Variants in C3 observed in about 807,000 individuals in gnomAD.
C3 encodes C3 and PZP-like alpha-2-macroglobulin domain-containing protein 1.
Under a neutral mutation model 207.9 loss-of-function variants are expected in C3, and 97 were observed. The ratio of observed to expected loss-of-function variants is 0.47; its 90% CI spans 0.40 to 0.55. C3 has a LOEUF of 0.55. Among genes scored for constraint, C3 ranks in the 20% least tolerant of loss-of-function variants. The pLI, the probability that C3 is intolerant of heterozygous loss-of-function variation, is 0.00. For missense variants in C3, 1,684 were observed against 2,171.7 expected, an observed-to-expected ratio of 0.78 and a Z score of 4.46; for synonymous variants, 848 against 857.6, an observed-to-expected ratio of 0.99 and a Z score of 0.20.
intron 34 of C3, 35 bp downstream of exon 34, chr19:6,682,107 C>T (rs780959208): frequency 1.1e-5 from 18 of 1,607,640 alleles, no homozygotes; most frequent in Non-Finnish European, 1.3e-5. Flanking sequence ...ACCCAGGCTC[C>T]TTTCCACTTA....
chr19:6,709,611 T>TTGCCCCC, intron 14 of C3, 73 bp downstream of exon 14: 15 of 1,109,422 alleles, frequency 1.4e-5, no homozygotes, highest in Middle Eastern at 2.0e-4. Flanking sequence ...CCCTCTCCAG[T>TTGCCCCC]CCCACCCACC....
intron 4 of C3, 158 bp downstream of exon 4, chr19:6,717,936 A>ATG (rs1400726385): frequency 5.3e-6 from 4 of 750,048 alleles, no homozygotes; most frequent in African/African-American, 3.6e-5. Flanking sequence ...TGTGTGCTGT[A>ATG]TGTGTGTGTG....
rs1161824303 is a variant in C3, at chr19:6,686,756, G to A, written c.3636C>T (p.Thr1212=). Residue 1212 remains threonine (T), a synonymous_variant, in exon 28 of 41, where the codon ACC becomes ACT. Coordinates refer to ENST00000245907, the MANE Select transcript of C3 (RefSeq NM_000064.4). Reference sequence around the variant, plus strand: ...CAGGCCAACCCTCACCTTTGGCTGTGGTCAGAAATTTGTTAAGAAGAGGCC... The same window carrying A: ...CAGGCCAACCCTCACCTTTGGCTGTAGTCAGAAATTTGTTAAGAAGAGGCC... ...LKGPLLNKFL[T]TAKDKNRWED... 6.2e-7 allele frequency: 1 copy of A among 1,613,920 alleles called. No homozygotes were observed. The highest frequency in any genetic ancestry group is 1.7e-5 in the Admixed American group (1 of 60,016).
Position 6,686,732 on chromosome 19 carries a change from A to G in C3, c.3646+14T>C, listed in dbSNP as rs1479338189. 8.7e-6 allele frequency: 14 copies of G among 1,612,796 alleles called. No homozygotes were observed. The highest frequency in any genetic ancestry group is 1.1e-5 in the Non-Finnish European group (13 of 1,179,894). ...GCCATGCATCTCCCTTCACCCCTCC[A>G]GGCCAACCCTCACCTTTGGCTGTGG... On this transcript the variant is annotated intron_variant, in intron 28 of 40. Transcript: ENST00000245907.
intron 19 of C3, among the ~76,000 whole-genome samples, chr19:6,699,016 C>T (rs1967595404): frequency 6.6e-6 from 1 of 151,746 alleles, no homozygotes; most frequent in Non-Finnish European, 1.5e-5. Flanking sequence ...GGCTGTTCTC[C>T]ACCTCCTGAC....
intron 14 of C3, 50 bp downstream of exon 14, chr19:6,709,634 A>G: frequency 2.2e-6 from 1 of 450,666 alleles, no homozygotes; most frequent in Non-Finnish European, 3.6e-6. Context: ...CCCCAGCCCC[A>G]GCTCCGTGCC....
At chr19:6,718,068 C>A (rs778925291) in intron 4 of C3, 26 bp downstream of exon 4, 34 of 1,610,872 alleles carry the variant, frequency 2.1e-5, no homozygotes, top group Non-Finnish European at 2.8e-5. Context: ...GCCCCTGCTT[C>A]CCCTGGGGCC....
At chr19:6,695,886 C>T (rs1290815538) in intron 23 of C3, among the ~76,000 whole-genome samples, 12 of 152,014 alleles carry the variant, frequency 7.9e-5, no homozygotes, top group Non-Finnish European at 2.9e-5. Context: ...TCTATAAAAC[C>T]GATCATAGCA....
At chr19:6,708,491 C>T (rs1481465552) in intron 14 of C3, among the ~76,000 whole-genome samples, 1 of 151,188 alleles carries the variant, frequency 6.6e-6, no homozygotes, top group Non-Finnish European at 1.5e-5. Flanking sequence ...CCCTTCCTTC[C>T]TCTCCCTCCC....
At chr19:6,685,800 G>A (rs922646731) in intron 29 of C3, among the ~76,000 whole-genome samples, 2 of 152,168 alleles carry the variant, frequency 1.3e-5, no homozygotes, top group African/African-American at 4.8e-5. Flanking sequence ...GACAGGGTAA[G>A]ATTGTGAGAT....
At chr19:6,686,975 C>T in intron 27 of C3, 73 bp from the exon 28 acceptor site, 1 of 1,472,664 alleles carries the variant, frequency 6.8e-7, no homozygotes, top group Non-Finnish European at 9.5e-7. Flanking sequence ...ATTCGAGCAG[C>T]ACTTCCTGAG....
At chr19:6,709,623 C>CCCCCCCCCCCCCCCCCCGG in intron 14 of C3, 61 bp downstream of exon 14, 1 of 1,035,806 alleles carries the variant, frequency 9.7e-7, no homozygotes, top group Non-Finnish European at 1.5e-6. Context: ...CCACCCACCT[C>CCCCCCCCCCCCCCCCCCGG]CCCCAGCCCC....
At chr19:6,692,476 C>T (rs1170549984) in intron 26 of C3, among the ~76,000 whole-genome samples, 1 of 152,060 alleles carries the variant, frequency 6.6e-6, no homozygotes, top group African/African-American at 2.4e-5. Flanking sequence ...AGTGGGAGGC[C>T]ACCAGGATGA....
chr19:6,700,217 C>CGCA (rs1967615060), intron 19 of C3, among the ~76,000 whole-genome samples: 1 of 115,380 alleles, frequency 8.7e-6, no homozygotes, highest in African/African-American at 3.1e-5. Context: ...GTATATATTA[C>CGCA]ATATATATTA....
chr19:6,712,238 A>C lies in C3; in HGVS notation c.1269+19T>G. The C allele has an allele frequency of 6.2e-7, 1 of 1,613,020 alleles. No homozygotes were observed. ...CCGTCTTCCCAGTGATGGGGTTCCG[A>C]GGCTGGGCCCAGACGCACCGTGATG... On this transcript the variant is annotated intron_variant, in intron 11 of 40. Transcript: ENST00000245907.
At position 6,682,150 on chromosome 19, in the gene C3, G is replaced by C. The variant is rs775988121; in HGVS notation, c.4252C>G (p.Leu1418Val). The C allele has an allele frequency of 1.2e-6, 2 of 1,613,762 alleles. No homozygotes were observed. The highest frequency in any genetic ancestry group is 1.7e-6 in the Non-Finnish European group (2 of 1,179,668). ...MTGFAPDTDD[L>V]KQLANGVDRY... ...TCCTGAGCCCTTCATACCTGCTTCA[G>C]GTCATCTGTGTCTGGAGCAAAGCCA... Residue 1418 changes from leucine to valine, a missense_variant, in exon 34 of 41, where the codon CTG becomes GTG. Coordinates refer to ENST00000245907, the MANE Select transcript of C3 (RefSeq NM_000064.4).
chr19:6,707,070 A>G lies in C3; in HGVS notation c.2245+6T>C. 1 of 1,421,984 alleles carries G rather than the reference A, an allele frequency of 7.0e-7. No homozygotes were observed. The highest frequency in any genetic ancestry group is 9.4e-7 in the Non-Finnish European group (1 of 1,061,188). The allele number at this position is 1,421,984 out of a possible 1,614,324, so 88.1% of individuals were successfully genotyped here. On this transcript the variant is annotated splice_donor_region_variant and intron_variant, in intron 17 of 40. Transcript: ENST00000245907. ...CCTCCCCCTGTCCCCACCCCGTGGG[A>G]CCTACTCCTGGCCAGGCCCAGGTGG...
rs144557499 is a variant in C3 at position 6,714,941 on chromosome 19, G to A, written c.505-495C>T. On this transcript the variant is annotated intron_variant, in intron 4 of 40. Coordinates refer to ENST00000245907, the MANE Select transcript of C3 (RefSeq NM_000064.4). ...GCCACTTACAAGCTGTGTGACCCTGGGCAAGTTACCTAACCTCTCTGTGCT... is the reference window on the plus strand; with the variant it reads ...GCCACTTACAAGCTGTGTGACCCTGAGCAAGTTACCTAACCTCTCTGTGCT... Among the ~76,000 whole-genome samples the A allele has an allele frequency of 6.7e-4, 102 of 152,166 alleles. 1 individual carries two copies. In the East Asian group the frequency reaches 0.019, roughly 28 times the overall value.
Position 6,714,008 on chromosome 19 carries a change from C to T in C3, c.757G>A (p.Val253Ile). 1.2e-6 allele frequency: 2 copies of T among 1,608,626 alleles called. No homozygotes were observed. Among genetic ancestry groups the T allele is most frequent in the African/African-American group, 1.4e-5 (1 of 73,502 alleles). ...GTCCCTCACCTGGCGGTGATGGTGA[C>T]CTCCAGGCCCTTCTCGTTATAGATG... The part of the protein sequence containing the change: ...YYIYNEKGLE[V>I]TITARFLYGK... Residue 253 changes from valine to isoleucine, a missense_variant, in exon 7 of 41, where the codon GTC becomes ATC. This residue lies in a region of C3 where 1,280 missense variants were observed against 1,739.1 expected (regional missense o/e 0.74). Transcript: ENST00000245907.
Sources: allele counts gnomAD v4.1 joint callset (sites outside exome capture counted in the v4.1 genomes callset), GRCh38; gene constraint gnomAD v4.1.1; regional missense constraint gnomAD v4.1.1; transcripts MANE v1.5; gene names NCBI Gene and HGNC (gene_info 2026-07-23, HGNC 2026-07-21).